PPFIA2: variants seen among roughly 807,000 people sequenced by gnomAD.
PPFIA2 encodes the protein PPFI scaffold protein A2, also known as liprin-alpha-2.
Under a neutral mutation model 175.5 loss-of-function variants are expected in PPFIA2, and 46 were observed. The ratio of observed to expected loss-of-function variants is 0.26; its 90% CI spans 0.21 to 0.34. The LOEUF is 0.34. Ranked by LOEUF, PPFIA2 falls within the 10% of genes least tolerant of loss-of-function variation. The probability of loss-of-function intolerance (pLI) is 1.00; values close to 1 mark genes in which losing one functional copy is unlikely to be tolerated. For synonymous variants in PPFIA2, 568 were observed against 511.4 expected (o/e 1.11, Z -1.49); for missense variants, 1,179 against 1,506.1 (o/e 0.78, Z 3.60).
intron 4 of PPFIA2, among the ~76,000 whole-genome samples, chr12:81,550,040 A>C (rs918279703): frequency 2.0e-5 from 3 of 152,058 alleles, no homozygotes; most frequent in Admixed American, 6.6e-5. Context: ...ATATCCTATT[A>C]CAAAAACAGT....
rs562521055 is a variant in PPFIA2 at position 81,683,069 on chromosome 12, C to A, written c.250-6225G>T. Among the ~76,000 whole-genome samples the A allele has an allele frequency of 3.2e-4, 49 of 152,172 alleles. 2 individuals are homozygous for A. In the South Asian group the frequency reaches 9.9e-3, roughly 31 times the overall value. On this transcript the variant is annotated intron_variant, in intron 3 of 32. Coordinates refer to ENST00000549396, the MANE Select transcript of PPFIA2 (RefSeq NM_003625.5). ...ATCCATACTGCTACTTCAATCTCCA[C>A]TTAGATGTATTATAGCCATGTAAAA...
At chr12:81,607,685 G>A (rs2060469650) in intron 4 of PPFIA2, among the ~76,000 whole-genome samples, 1 of 152,020 alleles carries the variant, frequency 6.6e-6, no homozygotes, top group Non-Finnish European at 1.5e-5. Context: ...ATCATTTCTA[G>A]TAGCCTTTTG....
intron 4 of PPFIA2, among the ~76,000 whole-genome samples, chr12:81,663,753 A>G (rs1035545320): frequency 2.6e-5 from 4 of 152,180 alleles, no homozygotes; most frequent in Non-Finnish European, 4.4e-5. Flanking sequence ...CCAAAAGAAC[A>G]AAGCTGGAGG....
At chr12:81,315,472 A>C (rs2052106047) in intron 22 of PPFIA2, among the ~76,000 whole-genome samples, 1 of 151,742 alleles carries the variant, frequency 6.6e-6, no homozygotes, top group Non-Finnish European at 1.5e-5. Flanking sequence ...AAAGGTGATA[A>C]TGCACTGGAA....
chr12:81,694,287 C>T (rs2075630184), intron 3 of PPFIA2, among the ~76,000 whole-genome samples: 1 of 152,154 alleles, frequency 6.6e-6, no homozygotes, highest in Non-Finnish European at 1.5e-5. Context: ...CAGCCCCTCA[C>T]ATCCATCACA....
chr12:81,494,879 G>A (rs2059857388), intron 4 of PPFIA2, among the ~76,000 whole-genome samples: 1 of 144,816 alleles, frequency 6.9e-6, no homozygotes. Context: ...TCACTCATAG[G>A]TGGGAATTGA....
chr12:81,269,078 A>T (rs2038296025), intron 28 of PPFIA2, among the ~76,000 whole-genome samples: 1 of 152,154 alleles, frequency 6.6e-6, no homozygotes, highest in Non-Finnish European at 1.5e-5. Context: ...TTTTCTAAAA[A>T]TAAAACTTTC....
chr12:81,410,490 T>C (rs1302397634), intron 7 of PPFIA2, among the ~76,000 whole-genome samples: 1 of 152,056 alleles, frequency 6.6e-6, no homozygotes, highest in Non-Finnish European at 1.5e-5. Context: ...AAGTTTTGCA[T>C]ATATTTTCAG....
chr12:81,739,185 G>T (rs996157301), intron 3 of PPFIA2, among the ~76,000 whole-genome samples: 1 of 151,834 alleles, frequency 6.6e-6, no homozygotes, highest in African/African-American at 2.4e-5. Context: ...TTTAGATGTG[G>T]AAATGCAAAA....
chr12:81,286,325 T>C (rs1293146008), intron 24 of PPFIA2, among the ~76,000 whole-genome samples: 1 of 152,084 alleles, frequency 6.6e-6, no homozygotes, highest in Non-Finnish European at 1.5e-5. Flanking sequence ...AAGTATAGTG[T>C]TTATAAAGTC....
At chr12:81,588,435 A>G (rs2075589382) in intron 4 of PPFIA2, among the ~76,000 whole-genome samples, 1 of 152,112 alleles carries the variant, frequency 6.6e-6, no homozygotes. Flanking sequence ...AAGCCATTTC[A>G]TCTACTTCCA....
At position 81,281,446 on chromosome 12, in the gene PPFIA2, G is replaced by A. The variant is rs373679895; in HGVS notation, c.3023C>T (p.Pro1008Leu). 1.6e-5 allele frequency: 25 copies of A among 1,594,620 alleles called. No individual in the cohort carries two copies. The highest frequency in any genetic ancestry group is 6.8e-5 in the Admixed American group (4 of 58,716). ...ESEEGSWAQCPVFLQTLAYGD... is the reference protein window; with the variant it reads ...ESEEGSWAQCLVFLQTLAYGD... The stretch of plus-strand genomic sequence containing the variant: ...ATAAGCCAGGGTCTGTAGAAAAACC[G>A]GACACTAGAATTGTTTTATAGCAGT... The change falls in exon 27 of 33, where the codon CCG (proline) becomes CTG (leucine). Residue 1008 changes from proline (P) to leucine (L), a missense_variant. Coordinates refer to ENST00000549396, the MANE Select transcript of PPFIA2 (RefSeq NM_003625.5).
intron 5 of PPFIA2, among the ~76,000 whole-genome samples, chr12:81,456,520 A>G (rs562369645): frequency 1.4e-4 from 22 of 152,202 alleles, no homozygotes; most frequent in Non-Finnish European, 3.1e-4. Flanking sequence ...ACTGTATTTT[A>G]TATTACTCTC....
At chr12:81,342,044 C>T (rs1284611600) in intron 19 of PPFIA2, among the ~76,000 whole-genome samples, 1 of 151,902 alleles carries the variant, frequency 6.6e-6, no homozygotes. Context: ...TCAAATTGTT[C>T]CATTTTACTA....
At chr12:81,591,360 T>C (rs1325649104) in intron 4 of PPFIA2, among the ~76,000 whole-genome samples, 1 of 152,110 alleles carries the variant, frequency 6.6e-6, no homozygotes, top group Non-Finnish European at 1.5e-5. Context: ...AGCCTGACAA[T>C]GCTATAGAAA....
chr12:81,440,428 A>G (rs1291832915), intron 6 of PPFIA2, among the ~76,000 whole-genome samples: 2 of 151,926 alleles, frequency 1.3e-5, no homozygotes, highest in Non-Finnish European at 2.9e-5. Flanking sequence ...AAAATACCCC[A>G]CCTTTTTCTC....
chr12:81,262,179 C>T (rs1402547451), intron 31 of PPFIA2, 139 bp from the exon 32 acceptor site: 6 of 624,352 alleles, frequency 9.6e-6, no homozygotes, highest in Non-Finnish European at 1.7e-5. Flanking sequence ...AAGCCACTCA[C>T]ATTCCTCTTC....
At chr12:81,743,408 T>C (rs1372828527) in intron 3 of PPFIA2, among the ~76,000 whole-genome samples, 1 of 20,926 alleles carries the variant, frequency 4.8e-5, no homozygotes, top group Non-Finnish European at 1.2e-4. Flanking sequence ...TGAGACTCCG[T>C]CTCAAAAAAA....
intron 7 of PPFIA2, among the ~76,000 whole-genome samples, chr12:81,426,799 C>T (rs1294056465): frequency 6.6e-6 from 1 of 151,918 alleles, no homozygotes; most frequent in Non-Finnish European, 1.5e-5. Context: ...TGCAGAAATC[C>T]TTTCATCTTG....
Sources: gnomAD v4.1 joint callset for allele counts (sites outside exome capture counted in the v4.1 genomes callset) on GRCh38, gnomAD v4.1.1 for gene constraint, MANE v1.5 for transcripts, NCBI Gene and HGNC (gene_info 2026-07-23, HGNC 2026-07-21) for gene names.